Variants in POFUT3 observed in about 807,000 individuals in gnomAD.
POFUT3 encodes protein O-fucosyltransferase 3, also known as GDP-fucose protein O-fucosyltransferase 3.
the POFUT3 span, chr8:33,389,023 G>C: frequency 6.2e-7 from 1 of 1,614,134 alleles, no homozygotes; most frequent in South Asian, 1.1e-5. Flanking sequence ...CAAATGCATC[G>C]ATGTAATTGT....
At chr8:33,337,346 G>A in the POFUT3 span, among the ~76,000 whole-genome samples, 1 of 152,154 alleles carries the variant, frequency 6.6e-6, no homozygotes, top group Non-Finnish European at 1.5e-5. Flanking sequence ...CTTCTCCATA[G>A]TCCTTCTGAA....
chr8:33,394,991 A>G, the POFUT3 span, among the ~76,000 whole-genome samples: 1 of 152,154 alleles, frequency 6.6e-6, no homozygotes, highest in Admixed American at 6.5e-5. Context: ...TCCATGTCCA[A>G]CCTTCTATGC....
At chr8:33,349,230 C>A in the POFUT3 span, among the ~76,000 whole-genome samples, 1 of 152,212 alleles carries the variant, frequency 6.6e-6, no homozygotes, top group Non-Finnish European at 1.5e-5. Context: ...AGCCCTTTTC[C>A]TGGGCAAGTA....
chr8:33,340,712 CAAA>C, the POFUT3 span, among the ~76,000 whole-genome samples: 1 of 151,268 alleles, frequency 6.6e-6, no homozygotes, highest in Non-Finnish European at 1.5e-5. Flanking sequence ...TACAGAAAGA[CAAA>C]AAAAAGTAGT....
chr8:33,413,464 C>T, the POFUT3 span, among the ~76,000 whole-genome samples: 4 of 152,162 alleles, frequency 2.6e-5, no homozygotes, highest in Non-Finnish European at 5.9e-5. Flanking sequence ...CCCTACCAGA[C>T]ATGAGATTTG....
the POFUT3 span, among the ~76,000 whole-genome samples, chr8:33,411,936 A>G: frequency 6.6e-6 from 1 of 152,190 alleles, no homozygotes; most frequent in African/African-American, 2.4e-5. Context: ...AAGTCTCTTC[A>G]CTGTACTTGC....
the POFUT3 span, among the ~76,000 whole-genome samples, chr8:33,356,395 T>C: frequency 6.6e-6 from 1 of 152,236 alleles, no homozygotes; most frequent in African/African-American, 2.4e-5. Flanking sequence ...CTCATTGTGG[T>C]TTTGATTTGC....
chr8:33,402,876 T>C, the POFUT3 span, among the ~76,000 whole-genome samples: 11 of 151,728 alleles, frequency 7.2e-5, no homozygotes, highest in East Asian at 1.9e-4. Flanking sequence ...CTGGGCAACA[T>C]AGGGAGACCT....
At chr8:33,399,802 C>T in the POFUT3 span, among the ~76,000 whole-genome samples, 1 of 151,940 alleles carries the variant, frequency 6.6e-6, no homozygotes, top group Non-Finnish European at 1.5e-5. Context: ...TACAGACGTG[C>T]ACCACCACGC....
At chr8:33,461,320 G>C in the POFUT3 span, 1 of 1,546,202 alleles carries the variant, frequency 6.5e-7, no homozygotes, top group Non-Finnish European at 8.7e-7. Context: ...GGGGGTAGGG[G>C]GACATGGCAA....
chr8:33,355,675 TTTA>T, the POFUT3 span, among the ~76,000 whole-genome samples: 48 of 152,160 alleles, frequency 3.2e-4, no homozygotes, highest in African/African-American at 7.5e-4. Flanking sequence ...TTTTTTTGGT[TTTA>T]TTATTATTAT....
chr8:33,328,505 C>T, the POFUT3 span, among the ~76,000 whole-genome samples: 45 of 152,254 alleles, frequency 3.0e-4, 1 homozygote, highest in East Asian at 5.8e-4. Context: ...GGTGATTCCA[C>T]GGGGCACTCT....
At chr8:33,386,423 C>T in the POFUT3 span, among the ~76,000 whole-genome samples, 1 of 152,232 alleles carries the variant, frequency 6.6e-6, no homozygotes, top group Non-Finnish European at 1.5e-5. Context: ...GAGAGAAGGA[C>T]ATCCAATCAT....
the POFUT3 span, among the ~76,000 whole-genome samples, chr8:33,324,694 CTATTAT>C: frequency 1.3e-5 from 2 of 151,830 alleles, no homozygotes; most frequent in African/African-American, 4.8e-5. Flanking sequence ...CAAATGTTGG[CTATTAT>C]TATTATTATT....
chr8:33,354,494 C>G, the POFUT3 span, among the ~76,000 whole-genome samples: 190 of 152,262 alleles, frequency 1.2e-3, 3 homozygotes, highest in East Asian at 0.035. Context: ...TGTTCCAGCT[C>G]AAGAATAGAG....
chr8:33,418,446 G>A, the POFUT3 span, among the ~76,000 whole-genome samples: 1 of 144,892 alleles, frequency 6.9e-6, no homozygotes, highest in African/African-American at 2.6e-5. Context: ...GGGATTATAG[G>A]CACGCACCAC....
At chr8:33,470,375 G>A in the POFUT3 span, among the ~76,000 whole-genome samples, 1 of 151,900 alleles carries the variant, frequency 6.6e-6, no homozygotes, top group African/African-American at 2.4e-5. Flanking sequence ...AGCTGTGATC[G>A]TGCCACTGCA....
the POFUT3 span, among the ~76,000 whole-genome samples, chr8:33,369,367 G>A: frequency 6.6e-6 from 1 of 152,098 alleles, no homozygotes; most frequent in African/African-American, 2.4e-5. Context: ...GCATTTTTAT[G>A]TCTGTAATCA....
the POFUT3 span, among the ~76,000 whole-genome samples, chr8:33,347,965 G>A: frequency 1.3e-5 from 2 of 152,104 alleles, no homozygotes; most frequent in Admixed American, 6.5e-5. Flanking sequence ...ATCACTCAAG[G>A]TCAGGAGTTC....
Sources: allele counts gnomAD v4.1 joint callset (sites outside exome capture counted in the v4.1 genomes callset), GRCh38; gene constraint gnomAD v4.1.1; transcripts MANE v1.5; gene names NCBI Gene and HGNC (gene_info 2026-07-23, HGNC 2026-07-21).